TTC7B: variants seen among roughly 807,000 people sequenced by gnomAD.
TTC7B encodes the protein tetratricopeptide repeat protein 7B.
A neutral mutation model predicts 106.8 loss-of-function variants in TTC7B; 28 were observed. That is an observed-to-expected ratio of 0.26 (90% CI 0.19 to 0.36). The LOEUF is 0.36. Ranked by LOEUF, TTC7B falls within the 10% of genes least tolerant of loss-of-function variation. TTC7B has a pLI of 1.00. For synonymous variants in TTC7B, 405 were observed against 430.6 expected (o/e 0.94, Z 0.74); for missense variants, 862 against 1,076.4 (o/e 0.80, Z 2.79).
chr14:90,675,785 AG>A (rs1886809851), intron 9 of TTC7B: 1 of 138,526 alleles, frequency 7.2e-6, no homozygotes. Context: ...AACATGGAAA[AG>A]TTCCTTTTAA....
intron 12 of TTC7B, among the ~76,000 whole-genome samples, chr14:90,653,977 G>A (rs551711986): frequency 2.1e-4 from 32 of 152,316 alleles, no homozygotes; most frequent in Middle Eastern, 3.4e-3. Context: ...AATGTACCAT[G>A]TGTATATGGA....
chr14:90,624,464 T>C lies in TTC7B; in HGVS notation c.1752-6419A>G, dbSNP rs1368926162. 6.6e-6 allele frequency among the ~76,000 whole-genome samples: 1 copy of C among 152,116 alleles called. No homozygotes were observed. The highest frequency in any genetic ancestry group is 1.5e-5 in the Non-Finnish European group (1 of 68,022). ...CATTCCCCAGGAAGACTTCGCTGAC[T>C]CGCTGGAAACTGCTCCCAACCACTG... On this transcript the variant is annotated intron_variant, in intron 15 of 19. Transcript: ENST00000328459. The surrounding 1 kb of genome is among the most constrained non-coding windows in gnomAD (Gnocchi z 4.0).
intron 5 of TTC7B, among the ~76,000 whole-genome samples, chr14:90,724,405 T>C (rs1889010564): frequency 6.6e-6 from 1 of 152,164 alleles, no homozygotes; most frequent in South Asian, 2.1e-4. Flanking sequence ...AAATCTCATA[T>C]TGAAATGTAA....
intron 4 of TTC7B, among the ~76,000 whole-genome samples, chr14:90,744,071 C>T (rs554773037): frequency 1.3e-5 from 2 of 152,358 alleles, no homozygotes; most frequent in African/African-American, 2.4e-5. Context: ...CGGTCTACTT[C>T]GGTCCACGTC....
intron 9 of TTC7B, among the ~76,000 whole-genome samples, chr14:90,666,865 T>C (rs777036177): frequency 2.0e-5 from 3 of 152,212 alleles, no homozygotes; most frequent in Non-Finnish European, 4.4e-5. Context: ...GAATGCTGGA[T>C]GCGGTTTTCT....
At chr14:90,591,276 G>T (rs140329217) in intron 18 of TTC7B, among the ~76,000 whole-genome samples, 178 of 152,326 alleles carry the variant, frequency 1.2e-3, no homozygotes, top group African/African-American at 4.1e-3. Context: ...AGCAGGCAGA[G>T]GTTGCAGTAA....
chr14:90,694,381 T>C (rs1025901123), intron 6 of TTC7B, among the ~76,000 whole-genome samples: 3 of 152,062 alleles, frequency 2.0e-5, no homozygotes, highest in Non-Finnish European at 2.9e-5. Context: ...CTAACGAGTA[T>C]AGAGTTTCTT....
At chr14:90,680,725 T>C (rs1195939506) in intron 7 of TTC7B, among the ~76,000 whole-genome samples, 190 bp from the exon 8 acceptor site, 1 of 152,204 alleles carries the variant, frequency 6.6e-6, no homozygotes, top group African/African-American at 2.4e-5. Context: ...AGCTATGCAT[T>C]TTAGTGGTAG....
At chr14:90,677,880 A>G (rs1436738100) in intron 8 of TTC7B, 1 of 442,302 alleles carries the variant, frequency 2.3e-6, no homozygotes, top group Non-Finnish European at 4.5e-6. Context: ...AAGACAGGCC[A>G]CTTCCTACAA....
intron 9 of TTC7B, among the ~76,000 whole-genome samples, chr14:90,661,714 T>C (rs1421962603): frequency 6.6e-6 from 1 of 152,196 alleles, no homozygotes; most frequent in East Asian, 1.9e-4. Context: ...ACTTAGTAAG[T>C]ACTTAAACAC....
At chr14:90,766,960 C>T (rs61741693) in intron 3 of TTC7B, 97,901 of 1,451,018 alleles carry the variant, frequency 0.067, 3,879 homozygotes, top group East Asian at 0.16. Context: ...CCGCCATGGC[C>T]GCACTGTGGG....
At chr14:90,749,814 T>G (rs188961766) in intron 3 of TTC7B, among the ~76,000 whole-genome samples, 1 of 152,342 alleles carries the variant, frequency 6.6e-6, no homozygotes, top group African/African-American at 2.4e-5. Context: ...TCACATCCAG[T>G]GTACTTTTCA....
Position 90,684,710 on chromosome 14 carries a change from C to T in TTC7B, c.951-4175G>A, listed in dbSNP as rs78643814. Among the ~76,000 whole-genome samples the T allele has an allele frequency of 1.2e-4, 18 of 152,188 alleles. No homozygotes were observed. In the East Asian group the frequency reaches 2.7e-3, roughly 23 times the overall value. ...TGTGACAGAAGTCAGGAGAGTGCTG[C>T]CCTGGATGGGGGTGGTGACTGGAAG... On this transcript the variant is annotated intron_variant, in intron 7 of 19. Transcript: ENST00000328459.
In TTC7B at chr14:90,537,791, GC is replaced by G. The variant is rs1889455142; in HGVS notation, c.*3576del. The G allele has an allele frequency of 6.6e-6, 1 of 151,960 alleles. No homozygotes were observed. The highest frequency in any genetic ancestry group is 1.5e-5 in the Non-Finnish European group (1 of 68,066). The allele number at this position is 151,960 out of a possible 1,614,324, so 9.4% of individuals were successfully genotyped here. ...CTTCCCTGGCTTCATCTTTCTCCATGCGTCACCCCACCTGCCATACTCCTCA... is the reference window on the plus strand; with the variant it reads ...CTTCCCTGGCTTCATCTTTCTCCATGGTCACCCCACCTGCCATACTCCTCA... On this transcript the variant is annotated 3_prime_UTR_variant, in exon 20 of 20. Coordinates refer to ENST00000328459, the MANE Select transcript of TTC7B (RefSeq NM_001010854.2).
chr14:90,682,957 A>T (rs1046615984), intron 7 of TTC7B, among the ~76,000 whole-genome samples: 1 of 152,232 alleles, frequency 6.6e-6, no homozygotes, highest in African/African-American at 2.4e-5. Flanking sequence ...ATAGGGAACA[A>T]GGGTGAGAAT....
In TTC7B at chr14:90,578,169, C is replaced by T. The variant is rs890314790; in HGVS notation, c.2247G>A (p.Ala749=). 14 of 1,613,578 alleles carry T rather than the reference C, an allele frequency of 8.7e-6. No homozygotes were observed. Among genetic ancestry groups the T allele is most frequent in the African/African-American group, 4.0e-5 (3 of 74,940 alleles). ...IAELRGSMDE[A]RRWYEEALAI... ...CTAAGGCCTCTTCATACCACCGCCG[C>T]GCCTCGTCCATGCTTCCCCGGAGCT... Residue 749 remains alanine (A), a synonymous_variant, in exon 19 of 20, where the codon GCG becomes GCA. Coordinates refer to ENST00000328459, the MANE Select transcript of TTC7B (RefSeq NM_001010854.2). The surrounding 1 kb of genome is among the most constrained non-coding windows in gnomAD (Gnocchi z 4.7).
At chr14:90,674,773 C>A (rs1177808563) in intron 9 of TTC7B, among the ~76,000 whole-genome samples, 2 of 152,190 alleles carry the variant, frequency 1.3e-5, no homozygotes, top group African/African-American at 2.4e-5. Context: ...GGGGGAGATA[C>A]AGTAACAAAT....
intron 9 of TTC7B, among the ~76,000 whole-genome samples, chr14:90,660,417 A>AAG (rs1555386789): frequency 1.7e-4 from 20 of 119,488 alleles, no homozygotes; most frequent in African/African-American, 4.4e-4. Flanking sequence ...AAAAAAAAAA[A>AAG]AAAAGAAAAG....
At chr14:90,712,540 G>A (rs1376461381) in intron 5 of TTC7B, among the ~76,000 whole-genome samples, 3 of 152,134 alleles carry the variant, frequency 2.0e-5, no homozygotes, top group Non-Finnish European at 4.4e-5. Context: ...ATCACATGAA[G>A]TGAATGAAAT....
Sources: gnomAD v4.1 joint callset for allele counts (sites outside exome capture counted in the v4.1 genomes callset) on GRCh38, gnomAD v4.1.1 for gene constraint, Gnocchi (gnomAD v3.1) non-coding constraint, MANE v1.5 for transcripts, NCBI Gene and HGNC (gene_info 2026-07-23, HGNC 2026-07-21) for gene names.